The following GSDMA variants were observed in gnomAD, a reference collection of about 807,000 sequenced individuals.
GSDMA encodes gasdermin-A.
In GSDMA, 55 loss-of-function variants were observed where a neutral mutation model predicts 54.3. That is an observed-to-expected ratio of 1.01 (90% confidence interval 0.82 to 1.27). The LOEUF (loss-of-function observed/expected upper bound fraction) is 1.27. Among genes scored for constraint, GSDMA ranks in the 50% most tolerant of loss-of-function variants. The probability of loss-of-function intolerance (pLI) is 0.00; values close to 1 mark genes in which losing one functional copy is unlikely to be tolerated. For synonymous variants in GSDMA, 211 were observed against 224.7 expected, an observed-to-expected ratio of 0.94 and a Z score of 0.54; for missense variants, 542 against 542.6, an observed-to-expected ratio of 1.00 and a Z score of 0.01.
intron 1 of GSDMA, among the ~76,000 whole-genome samples, chr17:39,964,184 C>T (rs1979530798): frequency 2.0e-5 from 3 of 152,124 alleles, no homozygotes; most frequent in Admixed American, 2.0e-4. Flanking sequence ...CAGGAGGTGA[C>T]CTGAATTGAG....
intron 1 of GSDMA, among the ~76,000 whole-genome samples, chr17:39,964,319 A>G (rs899482500): frequency 6.6e-6 from 1 of 152,172 alleles, no homozygotes; most frequent in Non-Finnish European, 1.5e-5. Context: ...CTGTAATCAC[A>G]GTACTTTGGG....
At chr17:39,967,466 A>T (rs571432065) in intron 3 of GSDMA, among the ~76,000 whole-genome samples, 1 of 152,314 alleles carries the variant, frequency 6.6e-6, no homozygotes, top group East Asian at 1.9e-4. Context: ...GGGGCGGAAG[A>T]GGTGCGAGTA....
chr17:39,965,432 G>A (rs960881128), intron 1 of GSDMA: 12 of 510,402 alleles, frequency 2.4e-5, no homozygotes, highest in African/African-American at 2.3e-4. Flanking sequence ...GAAAAGGGAG[G>A]TGTGGCTTTG....
In GSDMA at chr17:39,970,552, G is replaced by C; in HGVS notation, c.463G>C (p.Glu155Gln). 1 of 1,609,918 alleles carries C rather than the reference G, an allele frequency of 6.2e-7. No individual in the cohort carries two copies. Among genetic ancestry groups the C allele is most frequent in the Non-Finnish European group, 8.5e-7 (1 of 1,177,914 alleles). The part of the protein sequence containing the change: ...DQGENLYVVM[E>Q]VVETVQEVTL... ...AGGGGAGAACCTGTATGTGGTGATG[G>C]AGGTGGTGGAGACGGTGCAGGAGGT... The change falls in exon 4 of 12, where the codon GAG becomes CAG. Residue 155 changes from glutamate to glutamine, a missense_variant. Glu to Gln is a conservative substitution (Grantham distance 29). Transcript: ENST00000301659.
chr17:39,965,805 C>A lies in GSDMA; in HGVS notation c.118C>A (p.Leu40Met). Residue 40 changes from leucine (L) to methionine (M), a missense_variant, in exon 2 of 12, where the codon CTG becomes ATG. Coordinates refer to ENST00000301659, the MANE Select transcript of GSDMA (RefSeq NM_178171.5). Reference sequence around the variant, plus strand: ...GCGCTTCCATCCCTTCTGCCTGGTGCTGAGGAAGAGGAAGAGCACGCTCTT... The same window carrying A: ...GCGCTTCCATCCCTTCTGCCTGGTGATGAGGAAGAGGAAGAGCACGCTCTT... ...FKRFHPFCLV[L>M]RKRKSTLFWG... 1 of 1,601,648 alleles carries A rather than the reference C, an allele frequency of 6.2e-7. No homozygotes were observed. Among genetic ancestry groups the A allele is most frequent in the African/African-American group, 1.3e-5 (1 of 74,808 alleles).
chr17:39,972,100 T>TCCCCCCCCCC, intron 5 of GSDMA, 29 bp from the exon 6 acceptor site: 1 of 835,096 alleles, frequency 1.2e-6, no homozygotes, highest in South Asian at 1.4e-5. Flanking sequence ...CTAAGTGTCC[T>TCCCCCCCCCC]CCCACCCTCC....
At chr17:39,965,144 C>T (rs1858279403) in intron 1 of GSDMA, among the ~76,000 whole-genome samples, 1 of 137,274 alleles carries the variant, frequency 7.3e-6, no homozygotes, top group South Asian at 2.2e-4. Context: ...GAAAGCAAAG[C>T]AAGGAAAGGC....
intron 2 of GSDMA, 62 bp downstream of exon 2, chr17:39,965,963 C>A: frequency 6.9e-7 from 1 of 1,457,696 alleles, no homozygotes; most frequent in Non-Finnish European, 9.3e-7. Flanking sequence ...GGCACCTGGC[C>A]TGCAAGGAGG....
At position 39,965,716 on chromosome 17, in the gene GSDMA, C is replaced by T. The variant is rs755902839; in HGVS notation, c.29C>T (p.Ala10Val). 1.9e-6 allele frequency: 3 copies of T among 1,610,168 alleles called. No individual in the cohort carries two copies. The highest frequency in any genetic ancestry group is 2.5e-6 in the Non-Finnish European group (3 of 1,178,310). Residue 10 changes from alanine (A) to valine (V), a missense_variant, in exon 2 of 12, where the codon GCC becomes GTC. Physicochemically the swap from Ala to Val is moderately conservative, Grantham distance 64 (BLOSUM62 0). Coordinates refer to ENST00000301659, the MANE Select transcript of GSDMA (RefSeq NM_178171.5). MTMFENVTRALARQLNPRGD... is the reference protein window; with the variant it reads MTMFENVTRVLARQLNPRGD... ...ACCATGTTTGAAAATGTCACCCGGGCCCTGGCCAGACAGCTAAACCCTCGA... is the reference window on the plus strand; with the variant it reads ...ACCATGTTTGAAAATGTCACCCGGGTCCTGGCCAGACAGCTAAACCCTCGA...
intron 9 of GSDMA, 135 bp downstream of exon 9, chr17:39,974,562 T>C: frequency 1.0e-6 from 1 of 958,790 alleles, no homozygotes; most frequent in Non-Finnish European, 1.5e-6. Context: ...CCACCTTAGA[T>C]ACCTTCCCCA....
intron 3 of GSDMA, among the ~76,000 whole-genome samples, chr17:39,967,191 A>G (rs910202874): frequency 1.3e-5 from 2 of 152,172 alleles, no homozygotes; most frequent in East Asian, 3.9e-4. Flanking sequence ...GGAAGGTGAA[A>G]ATTTTAAAAA....
At position 39,972,123 on chromosome 17, in the gene GSDMA, T is replaced by A; in HGVS notation, c.656-6T>A. ...CCTCCCACCCTCCCTCCCTTGCCCT[T>A]CACAGATATTCCACATATCTGCAAT... On this transcript the variant is annotated splice_polypyrimidine_tract_variant and splice_region_variant and intron_variant, in intron 5 of 11. Transcript: ENST00000301659. 1 of 649,210 alleles carries A rather than the reference T, an allele frequency of 1.5e-6. No homozygotes were observed. Among genetic ancestry groups the A allele is most frequent in the Non-Finnish European group, 2.7e-6 (1 of 375,804 alleles). The allele number at this position is 649,210 out of a possible 1,614,324, so 40.2% of individuals were successfully genotyped here.
At chr17:39,969,279 G>A (rs1979819520) in intron 3 of GSDMA, among the ~76,000 whole-genome samples, 1 of 151,160 alleles carries the variant, frequency 6.6e-6, no homozygotes, top group Non-Finnish European at 1.5e-5. Context: ...AAGCCCAAGA[G>A]CTCAAGTCTG....
At chr17:39,968,241 T>C (rs111836589) in intron 3 of GSDMA, among the ~76,000 whole-genome samples, 3,498 of 151,852 alleles carry the variant, frequency 0.023, 129 homozygotes, top group African/African-American at 0.08. Flanking sequence ...GGTTTCACCA[T>C]GTTAGTCAGG....
intron 1 of GSDMA, among the ~76,000 whole-genome samples, chr17:39,965,257 GGAGA>G (rs1657586532): frequency 7.8e-6 from 1 of 128,180 alleles, no homozygotes; most frequent in African/African-American, 3.0e-5. Flanking sequence ...AGGGAGGGAG[GGAGA>G]GAAAGAAAGA....
At chr17:39,967,855 T>A (rs537420961) in intron 3 of GSDMA, among the ~76,000 whole-genome samples, 510 of 150,326 alleles carry the variant, frequency 3.4e-3, no homozygotes, top group Non-Finnish European at 4.7e-3. Context: ...TATTTATTTA[T>A]TTTATTTATT....
At chr17:39,967,550 G>A (rs565819095) in intron 3 of GSDMA, among the ~76,000 whole-genome samples, 1 of 152,314 alleles carries the variant, frequency 6.6e-6, no homozygotes, top group South Asian at 2.1e-4. Context: ...TGAATTGTAG[G>A]CACCAGGAAG....
intron 4 of GSDMA, among the ~76,000 whole-genome samples, chr17:39,970,963 T>C (rs1041110274): frequency 6.6e-6 from 1 of 152,146 alleles, no homozygotes; most frequent in Non-Finnish European, 1.5e-5. Context: ...GGAGACATCT[T>C]TACTCTCGGA....
rs1350873269 is a variant in GSDMA, at chr17:39,965,838, G to C, written c.151G>C (p.Ala51Pro). The C allele has an allele frequency of 1.3e-6, 2 of 1,576,736 alleles. No individual in the cohort carries two copies. The highest frequency in any genetic ancestry group is 2.3e-5 in the South Asian group (2 of 86,004). Residue 51 changes from alanine (A) to proline (P), a missense_variant, in exon 2 of 12, where the codon GCC becomes CCC. By Grantham distance (27) the Ala-to-Pro change is conservative (BLOSUM62 -1). Transcript: ENST00000301659. ...RKRKSTLFWG[A>P]RYVRTDYTLL... ...GAGGAAGAGCACGCTCTTCTGGGGG[G>C]CCCGGTACGTCCGCACCGACTACAC...
Sources: allele counts gnomAD v4.1 joint callset (sites outside exome capture counted in the v4.1 genomes callset), GRCh38; gene constraint gnomAD v4.1.1; transcripts MANE v1.5; gene names NCBI Gene and HGNC (gene_info 2026-07-23, HGNC 2026-07-21).